Variants in CDIN1 observed in about 807,000 individuals in gnomAD.
The protein encoded by CDIN1 is CDAN1 interacting nuclease 1.
In CDIN1, 33 loss-of-function variants were observed where a neutral mutation model predicts 45.3. The observed-to-expected ratio is 0.73, with a 90% confidence interval of 0.55 to 0.97. The LOEUF (loss-of-function observed/expected upper bound fraction) is 0.97, where lower values mean the gene tolerates loss of function less well. CDIN1 is among the 50% of genes least tolerant of loss of function. The pLI is 0.00. For missense variants in CDIN1, 303 were observed against 339.4 expected, an observed-to-expected ratio of 0.89 and a Z score of 0.84; for synonymous variants, 118 against 124.4, an observed-to-expected ratio of 0.95 and a Z score of 0.34.
intron 10 of CDIN1, among the ~76,000 whole-genome samples, chr15:36,740,060 A>G (rs903910270): frequency 1.3e-5 from 2 of 152,232 alleles, no homozygotes; most frequent in African/African-American, 2.4e-5. Flanking sequence ...ATGCTCTCCA[A>G]ACAAAAGTTG....
In CDIN1 at chr15:36,657,235, ATTG is replaced by A. The variant is rs1272173296; in HGVS notation, c.274-593_274-591del. Among the ~76,000 whole-genome samples, 7 of 152,218 alleles carry A rather than the reference ATTG, an allele frequency of 4.6e-5. No homozygotes were observed. The East Asian group carries it at 1.4e-3, about 29-fold the overall frequency. On this transcript the variant is annotated intron_variant, in intron 4 of 10. Coordinates refer to ENST00000566621, the MANE Select transcript of CDIN1 (RefSeq NM_001321759.2). ...GGTGATCTTATGTTGCAGATATTAT[ATTG>A]TTGTAATTTATTATTAACATCTCTG...
chr15:36,625,463 A>G, intron 1 of CDIN1, among the ~76,000 whole-genome samples: 1 of 152,230 alleles, frequency 6.6e-6, no homozygotes. Context: ...AGGATTTCAT[A>G]CATTGAAGAA....
chr15:36,582,857 C>T (rs149842661), intron 1 of CDIN1, among the ~76,000 whole-genome samples: 130 of 152,254 alleles, frequency 8.5e-4, no homozygotes, highest in Middle Eastern at 3.4e-3. Flanking sequence ...TTAATATGTT[C>T]GATCAAGAAT....
At chr15:36,750,714 T>C (rs1449846933) in intron 10 of CDIN1, among the ~76,000 whole-genome samples, 1 of 152,156 alleles carries the variant, frequency 6.6e-6, no homozygotes, top group Non-Finnish European at 1.5e-5. Context: ...GTTTGGCCAA[T>C]TGAAAAATAT....
At chr15:36,796,443 G>GA (rs953921888) in intron 10 of CDIN1, among the ~76,000 whole-genome samples, 32 of 152,196 alleles carry the variant, frequency 2.1e-4, no homozygotes, top group African/African-American at 7.5e-4. Context: ...GAACCAAATA[G>GA]AAAAAAATTA....
At chr15:36,637,557 G>C (rs1275216008) in intron 1 of CDIN1, among the ~76,000 whole-genome samples, 2 of 152,264 alleles carry the variant, frequency 1.3e-5, no homozygotes, top group East Asian at 3.9e-4. Flanking sequence ...AAAATTGTTT[G>C]ACAGTATCTG....
intron 10 of CDIN1, among the ~76,000 whole-genome samples, chr15:36,728,581 A>G (rs888127382): frequency 1.2e-4 from 15 of 128,388 alleles, no homozygotes; most frequent in Middle Eastern, 4.1e-3. Context: ...TGCCACGCTT[A>G]TTTTTGGTCT....
intron 10 of CDIN1, among the ~76,000 whole-genome samples, chr15:36,780,678 A>T (rs994089823): frequency 1.1e-4 from 17 of 152,350 alleles, no homozygotes; most frequent in African/African-American, 3.8e-4. Flanking sequence ...TGGATTCTGG[A>T]CCAGTGATTT....
intron 10 of CDIN1, among the ~76,000 whole-genome samples, chr15:36,793,785 C>T (rs1284012966): frequency 6.6e-6 from 1 of 152,092 alleles, no homozygotes. Context: ...TAGAAATTGC[C>T]GCTGGCCACT....
At chr15:36,706,735 G>T (rs1455893865) in intron 8 of CDIN1, 1 of 152,164 alleles carries the variant, frequency 6.6e-6, no homozygotes, top group East Asian at 1.9e-4. Context: ...AGAACAGACA[G>T]TTGGGACCAA....
intron 1 of CDIN1, among the ~76,000 whole-genome samples, chr15:36,591,486 A>G (rs2037571347): frequency 6.6e-6 from 1 of 152,236 alleles, no homozygotes. Flanking sequence ...GTATGTAACA[A>G]ATAGCTGTTT....
chr15:36,657,569 C>T (rs149790936), intron 4 of CDIN1, among the ~76,000 whole-genome samples: 3 of 152,098 alleles, frequency 2.0e-5, no homozygotes, highest in East Asian at 1.9e-4. Context: ...CTGTTTTAGA[C>T]GAATGCTTTT....
chr15:36,687,916 A>T (rs925996569), intron 5 of CDIN1, among the ~76,000 whole-genome samples: 1 of 152,158 alleles, frequency 6.6e-6, no homozygotes, highest in Non-Finnish European at 1.5e-5. Context: ...AACAGCAGAA[A>T]TCCATGTTTT....
intron 10 of CDIN1, among the ~76,000 whole-genome samples, chr15:36,760,857 A>G (rs1027942472): frequency 2.6e-5 from 4 of 152,202 alleles, no homozygotes; most frequent in Non-Finnish European, 5.9e-5. Flanking sequence ...CCATGGTTAC[A>G]TATTTGTAAA....
At chr15:36,690,405 A>T (rs940497093) in intron 5 of CDIN1, among the ~76,000 whole-genome samples, 78 of 151,690 alleles carry the variant, frequency 5.1e-4, no homozygotes, top group African/African-American at 1.8e-3. Flanking sequence ...AGTAGCTGGG[A>T]CTACAGGCGC....
At position 36,638,076 on chromosome 15, in the gene CDIN1, G is replaced by A. The variant is rs540772533; in HGVS notation, c.102-6202G>A. On this transcript the variant is annotated intron_variant, in intron 1 of 10. Coordinates refer to ENST00000566621, the MANE Select transcript of CDIN1 (RefSeq NM_001321759.2). ...TCTTTGGGCTGTGCATTTGTTCCAC[G>A]TGGGTTTTTGTGTTTTATTTCCAAT... Among the ~76,000 whole-genome samples the A allele has an allele frequency of 4.6e-5, 7 of 152,194 alleles. No individual in the cohort carries two copies. The South Asian group carries it at 1.0e-3, about 23-fold the overall frequency.
chr15:36,724,898 G>C (rs1475393271), intron 10 of CDIN1, among the ~76,000 whole-genome samples: 1 of 152,034 alleles, frequency 6.6e-6, no homozygotes, highest in Admixed American at 6.6e-5. Flanking sequence ...TGAGTTATGT[G>C]GGTTTAGAAA....
In CDIN1 at chr15:36,800,907, G is replaced by GTATATATATATATA. The variant is rs1282877205; in HGVS notation, c.717-7416_717-7415insATATATATATATAT. On this transcript the variant is annotated intron_variant, in intron 10 of 10. Coordinates refer to ENST00000566621, the MANE Select transcript of CDIN1 (RefSeq NM_001321759.2). Reference sequence around the variant, plus strand: ...TGTGTGTGTGTGTGTGTGTGTGTGTGTGTATATATATATATATATATATAT... The same window carrying GTATATATATATATA: ...TGTGTGTGTGTGTGTGTGTGTGTGTGTATATATATATATATGTATATATATATATATATATATAT... Among the ~76,000 whole-genome samples, 181 of 31,542 alleles carry GTATATATATATATA rather than the reference G, an allele frequency of 5.7e-3. 1 individual carries two copies. Among genetic ancestry groups the GTATATATATATATA allele is most frequent in the South Asian group, 0.013 (5 of 392 alleles). 20.7% of individuals were successfully genotyped at this position (31,542 alleles called of 152,430 possible).
chr15:36,649,394 C>G (rs1230943504), intron 3 of CDIN1, among the ~76,000 whole-genome samples: 2 of 152,170 alleles, frequency 1.3e-5, no homozygotes, highest in Non-Finnish European at 2.9e-5. Flanking sequence ...GGCTCCATTC[C>G]TGATGCCTAT....
Sources: allele counts gnomAD v4.1 joint callset (sites outside exome capture counted in the v4.1 genomes callset), GRCh38; gene constraint gnomAD v4.1.1; transcripts MANE v1.5; gene names NCBI Gene and HGNC (gene_info 2026-07-23, HGNC 2026-07-21).